The following KCNIP4 variants were observed in gnomAD, a reference collection of about 807,000 sequenced individuals.
KCNIP4 encodes potassium voltage-gated channel interacting protein 4.
KCNIP4 carries 12 observed loss-of-function variants against 34.0 expected under a neutral mutation model. The observed-to-expected ratio is 0.35, with a 90% CI of 0.23 to 0.57. The LOEUF (loss-of-function observed/expected upper bound fraction) is 0.57, where lower values mean the gene tolerates loss of function less well. Ranked by LOEUF, KCNIP4 falls within the 20% of genes least tolerant of loss-of-function variation. The pLI, the probability that KCNIP4 is intolerant of heterozygous loss-of-function variation, is 0.83. For synonymous variants in KCNIP4, 124 were observed against 102.2 expected, an observed-to-expected ratio of 1.21 and a Z score of -1.29; for missense variants, 238 against 311.7, an observed-to-expected ratio of 0.76 and a Z score of 1.78.
At position 20,746,294 on chromosome 4, in the gene KCNIP4, T is replaced by C. The variant is rs569501031; in HGVS notation, c.429+3368A>G. Among the ~76,000 whole-genome samples, 6 of 152,096 alleles carry C rather than the reference T, an allele frequency of 3.9e-5. No homozygotes were observed. The East Asian group carries it at 9.7e-4, about 25-fold the overall frequency. On this transcript the variant is annotated intron_variant, in intron 5 of 8. Transcript: ENST00000382152. Reference sequence around the variant, plus strand: ...AGAACAGTAAACCAAACATTGCATGTTCTCACTCATAGCTGGGAATTGAAC... The same window carrying C: ...AGAACAGTAAACCAAACATTGCATGCTCTCACTCATAGCTGGGAATTGAAC...
chr4:20,940,443 C>T (rs765234230), intron 1 of KCNIP4, among the ~76,000 whole-genome samples: 24 of 152,134 alleles, frequency 1.6e-4, no homozygotes, highest in Non-Finnish European at 3.4e-4. Context: ...AAATTGACAA[C>T]TTAGGAAGTG....
intron 2 of KCNIP4, among the ~76,000 whole-genome samples, chr4:20,866,442 C>T (rs1722888695): frequency 6.6e-6 from 1 of 151,960 alleles, no homozygotes; most frequent in African/African-American, 2.4e-5. Context: ...AAAAAGCTTT[C>T]AGTAACACCC....
intron 3 of KCNIP4, among the ~76,000 whole-genome samples, chr4:20,791,780 T>C (rs906752697): frequency 6.6e-6 from 1 of 152,232 alleles, no homozygotes; most frequent in Non-Finnish European, 1.5e-5. Flanking sequence ...TATTCTTGAA[T>C]GGGATTAACA....
chr4:21,097,269 AAAAAGGAC>A (rs1211948060), intron 1 of KCNIP4, among the ~76,000 whole-genome samples: 1 of 152,210 alleles, frequency 6.6e-6, no homozygotes, highest in Non-Finnish European at 1.5e-5. Flanking sequence ...GGCAGTTATA[AAAAAGGAC>A]AAAGATACAT....
chr4:21,305,026 G>A (rs188888510), intron 1 of KCNIP4, among the ~76,000 whole-genome samples: 2 of 151,926 alleles, frequency 1.3e-5, no homozygotes, highest in Admixed American at 1.3e-4. Context: ...TGCACAAACT[G>A]TTTCATCTTT....
chr4:20,901,683 A>T (rs1309972996), intron 1 of KCNIP4, among the ~76,000 whole-genome samples: 1 of 152,166 alleles, frequency 6.6e-6, no homozygotes, highest in Non-Finnish European at 1.5e-5. Flanking sequence ...TGGTTTTGCC[A>T]CTTACTGTGT....
intron 1 of KCNIP4, among the ~76,000 whole-genome samples, chr4:21,700,816 G>A (rs532537277): frequency 3.8e-4 from 58 of 152,074 alleles, no homozygotes; most frequent in African/African-American, 1.3e-3. Flanking sequence ...TCTACATATG[G>A]TTATCCAGTT....
intron 1 of KCNIP4, among the ~76,000 whole-genome samples, chr4:21,332,717 C>A (rs16870835): frequency 0.012 from 1,761 of 151,956 alleles, 25 homozygotes; most frequent in South Asian, 0.049. Context: ...TGGAGAGTCC[C>A]ATTTCTTCCT....
intron 1 of KCNIP4, among the ~76,000 whole-genome samples, chr4:20,980,216 G>A (rs1373687197): frequency 6.6e-6 from 1 of 152,138 alleles, no homozygotes; most frequent in African/African-American, 2.4e-5. Flanking sequence ...CTTGTTGAGG[G>A]CACTTTAATG....
chr4:21,303,888 C>CTG, intron 1 of KCNIP4: 1 of 1,614,102 alleles, frequency 6.2e-7, no homozygotes, highest in Non-Finnish European at 8.5e-7. Context: ...GCTATCATTT[C>CTG]AAGCCCTTCC....
intron 3 of KCNIP4, among the ~76,000 whole-genome samples, chr4:20,836,942 T>G (rs1719115112): frequency 6.6e-6 from 1 of 152,036 alleles, no homozygotes; most frequent in South Asian, 2.1e-4. Context: ...TAATTTCCCC[T>G]TCCTCCACCA....
At chr4:21,185,601 T>C (rs1755159583) in intron 1 of KCNIP4, among the ~76,000 whole-genome samples, 1 of 152,190 alleles carries the variant, frequency 6.6e-6, no homozygotes. Flanking sequence ...GAAATGGGGC[T>C]AGAAATACAT....
At chr4:21,677,024 G>T (rs1415960188) in intron 1 of KCNIP4, among the ~76,000 whole-genome samples, 1 of 147,150 alleles carries the variant, frequency 6.8e-6, no homozygotes, top group African/African-American at 2.5e-5. Context: ...TCTTAGCAAA[G>T]ATAATGGATT....
chr4:21,368,729 G>T (rs1388656143), intron 1 of KCNIP4, among the ~76,000 whole-genome samples: 1 of 147,444 alleles, frequency 6.8e-6, no homozygotes, highest in African/African-American at 2.7e-5. Context: ...GCCTCATATA[G>T]TATCAATTTA....
chr4:21,086,473 A>G (rs1276099904), intron 1 of KCNIP4, among the ~76,000 whole-genome samples: 1 of 152,202 alleles, frequency 6.6e-6, no homozygotes, highest in African/African-American at 2.4e-5. Flanking sequence ...CCAACAGTAA[A>G]GCTGTAATAC....
At chr4:21,559,681 C>A (rs1264219285) in intron 1 of KCNIP4, among the ~76,000 whole-genome samples, 1 of 152,020 alleles carries the variant, frequency 6.6e-6, no homozygotes, top group East Asian at 1.9e-4. Flanking sequence ...TAATGTCAAC[C>A]ATACAGACCT....
intron 1 of KCNIP4, among the ~76,000 whole-genome samples, chr4:21,860,353 C>G (rs951538082): frequency 1.3e-5 from 2 of 152,042 alleles, no homozygotes. Flanking sequence ...AGGCTGGTCT[C>G]GAACTCCTGA....
At chr4:21,605,013 A>G (rs1195207519) in intron 1 of KCNIP4, among the ~76,000 whole-genome samples, 1 of 152,158 alleles carries the variant, frequency 6.6e-6, no homozygotes, top group Admixed American at 6.5e-5. Context: ...ACTTTAAAGG[A>G]CACTGGGGTG....
intron 1 of KCNIP4, among the ~76,000 whole-genome samples, chr4:21,530,088 A>G (rs1003123361): frequency 6.6e-6 from 1 of 152,192 alleles, no homozygotes. Context: ...AAACAGCAGT[A>G]TAAGGTGTCA....
Sources: gnomAD v4.1 joint callset for allele counts (sites outside exome capture counted in the v4.1 genomes callset) on GRCh38, gnomAD v4.1.1 for gene constraint, MANE v1.5 for transcripts, NCBI Gene and HGNC (gene_info 2026-07-23, HGNC 2026-07-21) for gene names.